Variants in NOS1 observed in about 807,000 individuals in gnomAD.
The protein encoded by NOS1 is nitric oxide synthase 1.
Under a neutral mutation model 164.5 loss-of-function variants are expected in NOS1, and 51 were observed. The observed-to-expected ratio is 0.31, with a 90% CI of 0.25 to 0.39. The LOEUF is 0.39. Ranked by LOEUF, NOS1 falls within the 10% of genes least tolerant of loss-of-function variation. NOS1 has a pLI of 1.00. For synonymous variants in NOS1, 719 were observed against 745.8 expected (o/e 0.96, Z 0.59); for missense variants, 1,362 against 1,885.6 (o/e 0.72, Z 5.14).
At chr12:117,345,749 C>CT (rs1434953029) in intron 1 of NOS1, among the ~76,000 whole-genome samples, 1 of 152,174 alleles carries the variant, frequency 6.6e-6, no homozygotes, top group Non-Finnish European at 1.5e-5. Context: ...AATCCCAACA[C>CT]TTTGGGAGGT....
intron 1 of NOS1, among the ~76,000 whole-genome samples, chr12:117,331,812 A>T (rs1008139707): frequency 2.6e-5 from 4 of 152,138 alleles, no homozygotes; most frequent in African/African-American, 9.7e-5. Flanking sequence ...TCTCTTTCCC[A>T]CCACGAGAGG....
intron 22 of NOS1, among the ~76,000 whole-genome samples, chr12:117,227,871 T>A (rs538326451): frequency 3.3e-5 from 5 of 151,770 alleles, no homozygotes; most frequent in Admixed American, 2.0e-4. Flanking sequence ...TACAAAAAAT[T>A]AAGAAAAATT....
intron 16 of NOS1, among the ~76,000 whole-genome samples, chr12:117,254,552 A>G (rs1431033980): frequency 6.6e-6 from 1 of 152,246 alleles, no homozygotes; most frequent in African/African-American, 2.4e-5. Flanking sequence ...CTTCATTTTA[A>G]GTAGCTAGAA....
At chr12:117,219,946 G>A (rs990885353) in intron 27 of NOS1, 129 bp downstream of exon 27, 2 of 863,482 alleles carry the variant, frequency 2.3e-6, no homozygotes, top group Admixed American at 2.4e-5. Flanking sequence ...ACCCTCAGTG[G>A]TAAGTGCAAC....
rs1048473755 is a variant in NOS1 at position 117,285,205 on chromosome 12, A to G, written c.1382+36T>C. The G allele has an allele frequency of 6.1e-6, 9 of 1,477,078 alleles. No homozygotes were observed. The African/African-American group carries it at 1.3e-4, about 21-fold the overall frequency. 91.5% of individuals were successfully genotyped at this position (1,477,078 alleles called of 1,614,324 possible). ...AAGTACAATGCTGTGGGGACTTTTGACCTCCTGCTCCCCAGTGCCCAGCTG... is the reference window on the plus strand; with the variant it reads ...AAGTACAATGCTGTGGGGACTTTTGGCCTCCTGCTCCCCAGTGCCCAGCTG... On this transcript the variant is annotated intron_variant, in intron 7 of 28. Transcript: ENST00000317775.
In NOS1 at chr12:117,210,402, A is replaced by G; in HGVS notation, c.*4907T>C. The G allele has an allele frequency of 4.1e-6, 4 of 985,450 alleles. No individual in the cohort carries two copies. Among genetic ancestry groups the G allele is most frequent in the Non-Finnish European group, 4.8e-6 (4 of 829,956 alleles). 61.0% of individuals were successfully genotyped at this position (985,450 alleles called of 1,614,324 possible). A position where few individuals can be genotyped will look rare whatever the true frequency, so the allele number is the denominator to read the frequency against. ...TTCTCTCTCCTTGTTGCTTCCTGGC[A>G]GTCTCAGACTACATTCCTGATACAG... On this transcript the variant is annotated 3_prime_UTR_variant, in exon 29 of 29. Transcript: ENST00000317775.
chr12:117,283,056 A>ATTTT (rs201451951), intron 7 of NOS1, among the ~76,000 whole-genome samples: 30 of 92,954 alleles, frequency 3.2e-4, no homozygotes, highest in African/African-American at 1.0e-3. Context: ...ATATATATAT[A>ATTTT]TTTTTTTTTT....
chr12:117,321,078 C>T (rs1874894214), intron 2 of NOS1, among the ~76,000 whole-genome samples: 3 of 152,292 alleles, frequency 2.0e-5, no homozygotes, highest in Admixed American at 6.5e-5. Flanking sequence ...GGCACGGTCT[C>T]GGCTCACGGC....
chr12:117,300,432 G>C (rs11612772), intron 3 of NOS1, among the ~76,000 whole-genome samples: 37,031 of 152,040 alleles, frequency 0.24, 5,173 homozygotes, highest in Non-Finnish European at 0.31. Flanking sequence ...GTCAATTCAC[G>C]CACCACTTCC....
At chr12:117,249,070 G>C (rs1032252121) in intron 17 of NOS1, among the ~76,000 whole-genome samples, 6 of 152,040 alleles carry the variant, frequency 3.9e-5, no homozygotes, top group Admixed American at 3.9e-4. Context: ...AAATTTGTTT[G>C]AGTTCATTGT....
At chr12:117,269,093 A>C (rs549658716) in intron 10 of NOS1, among the ~76,000 whole-genome samples, 40 of 152,306 alleles carry the variant, frequency 2.6e-4, no homozygotes, top group African/African-American at 8.4e-4. Context: ...TCTTAGGAAG[A>C]AAATAAGGAA....
chr12:117,209,943 T>C lies in NOS1; in HGVS notation c.*5366A>G. 2.0e-6 allele frequency: 2 copies of C among 985,488 alleles called. No homozygotes were observed. Among genetic ancestry groups the C allele is most frequent in the African/African-American group, 1.7e-5 (1 of 57,354 alleles). The allele number at this position is 985,488 out of a possible 1,614,324, so 61.0% of individuals were successfully genotyped here. ...GCCCCTTCCCTCAGACCCTCAGACCTGTGTTTCCTTAATCCCAGCACCTGG... is the reference window on the plus strand; with the variant it reads ...GCCCCTTCCCTCAGACCCTCAGACCCGTGTTTCCTTAATCCCAGCACCTGG... On this transcript the variant is annotated 3_prime_UTR_variant, in exon 29 of 29. Coordinates refer to ENST00000317775, the MANE Select transcript of NOS1 (RefSeq NM_000620.5).
intron 1 of NOS1, among the ~76,000 whole-genome samples, chr12:117,350,024 C>T (rs1348264494): frequency 3.9e-5 from 6 of 152,020 alleles, no homozygotes; most frequent in East Asian, 3.9e-4. Flanking sequence ...CATGCCTGGC[C>T]GGCTGGTGTT....
rs371784708 is a variant in NOS1, at chr12:117,285,285, G to A, written c.1338C>T (p.Tyr446=). ...DCTTAHGMFN[Y]ICNHVKYATN... Reference sequence around the variant, plus strand: ...TGGCATACTTGACATGGTTACAGATGTAGTTGAACATCCCGTGGGCCGTGG... The same window carrying A: ...TGGCATACTTGACATGGTTACAGATATAGTTGAACATCCCGTGGGCCGTGG... The change falls in exon 7 of 29, where the codon TAC becomes TAT. Residue 446 remains tyrosine, a synonymous_variant. Transcript: ENST00000317775. The A allele has an allele frequency of 1.2e-5, 20 of 1,611,374 alleles. No individual in the cohort carries two copies. The highest frequency in any genetic ancestry group is 1.6e-5 in the Non-Finnish European group (19 of 1,178,462).
chr12:117,283,751 G>T (rs1873875859), intron 7 of NOS1, among the ~76,000 whole-genome samples: 1 of 151,660 alleles, frequency 6.6e-6, no homozygotes, highest in Non-Finnish European at 1.5e-5. Flanking sequence ...AGATACTCGG[G>T]AGGCTGAGGC....
In NOS1 at chr12:117,257,306, C is replaced by A. The variant is rs189745379; in HGVS notation, c.2531+1091G>T. 1.1e-3 allele frequency among the ~76,000 whole-genome samples: 173 copies of A among 151,846 alleles called. 1 individual carries two copies. The highest frequency in any genetic ancestry group is 4.1e-3 in the African/African-American group (168 of 41,396). On this transcript the variant is annotated intron_variant, in intron 16 of 28. Transcript: ENST00000317775. ...GCTATATTGCCCAGGCTGGTTTGAA[C>A]TCCTGGCCTCAAGCAATCCTCCTGC... is the stretch of plus-strand genomic sequence containing the variant.
chr12:117,285,456 C>A, intron 6 of NOS1, 124 bp from the exon 7 acceptor site: 1 of 488,778 alleles, frequency 2.0e-6, no homozygotes, highest in Non-Finnish European at 3.8e-6. Flanking sequence ...GTGAAGTGGG[C>A]ACCTCATTAC....
At chr12:117,311,334 T>A in intron 3 of NOS1, 132 bp downstream of exon 3, 1 of 1,096,294 alleles carries the variant, frequency 9.1e-7, no homozygotes, top group Middle Eastern at 3.0e-4. Flanking sequence ...CCTCCCAAGC[T>A]CTCCAGCCAC....
intron 20 of NOS1, among the ~76,000 whole-genome samples, chr12:117,242,350 C>A (rs9658478): frequency 0.021 from 3,222 of 152,302 alleles, 117 homozygotes; most frequent in African/African-American, 0.073. Flanking sequence ...TGTGGCGAAG[C>A]TACAGGGGTG....
Sources: gnomAD v4.1 joint callset for allele counts (sites outside exome capture counted in the v4.1 genomes callset) on GRCh38, gnomAD v4.1.1 for gene constraint, MANE v1.5 for transcripts, NCBI Gene and HGNC (gene_info 2026-07-23, HGNC 2026-07-21) for gene names.